Variants in MMP28 observed in about 807,000 individuals in gnomAD.
MMP28 encodes the protein matrix metallopeptidase 28.
In MMP28, 55 loss-of-function variants were observed where a neutral mutation model predicts 60.5. The ratio of observed to expected loss-of-function variants is 0.91; its 90% CI spans 0.73 to 1.14. MMP28 has a LOEUF of 1.14. Among genes scored for constraint, MMP28 ranks in the 50% most tolerant of loss-of-function variants. MMP28 has a pLI of 0.00. For missense variants in MMP28, 686 were observed against 738.3 expected (o/e 0.93, Z 0.82); for synonymous variants, 318 against 312.5 (o/e 1.02, Z -0.18).
At chr17:35,776,182 T>G (rs1368629961) in intron 3 of MMP28, among the ~76,000 whole-genome samples, 1 of 143,844 alleles carries the variant, frequency 7.0e-6, no homozygotes. Context: ...GCTTTTTCTT[T>G]TTTTTTTGAG....
intron 4 of MMP28, among the ~76,000 whole-genome samples, chr17:35,772,817 G>T (rs968585647): frequency 5.3e-5 from 8 of 152,170 alleles, no homozygotes; most frequent in African/African-American, 1.9e-4. Context: ...GTGGGCAGTG[G>T]ATGTTTTTTA....
chr17:35,772,632 G>A (rs1395201712), intron 4 of MMP28, among the ~76,000 whole-genome samples: 2 of 152,232 alleles, frequency 1.3e-5, no homozygotes, highest in African/African-American at 2.4e-5. Context: ...GAAGGCTAGC[G>A]TTAGGCAGAA....
At chr17:35,790,494 A>G (rs977734805) in intron 1 of MMP28, among the ~76,000 whole-genome samples, 4 of 152,212 alleles carry the variant, frequency 2.6e-5, no homozygotes, top group African/African-American at 9.6e-5. Flanking sequence ...GTAGTTTTCT[A>G]TCAACATCAA....
intron 3 of MMP28, among the ~76,000 whole-genome samples, chr17:35,774,235 C>A (rs1161525105): frequency 1.3e-5 from 2 of 152,216 alleles, no homozygotes; most frequent in Non-Finnish European, 2.9e-5. Context: ...TCAGCGTGCA[C>A]CCGGCAGCAG....
intron 2 of MMP28, chr17:35,757,397 A>G (rs1264940156): frequency 1.3e-5 from 2 of 152,156 alleles, no homozygotes; most frequent in Non-Finnish European, 2.9e-5. Flanking sequence ...AGTCTCTGCC[A>G]TTCCTTTTCT....
At chr17:35,760,890 CT>C (rs1348037468), downstream of MMP28, 1 of 1,611,410 alleles carries the variant, frequency 6.2e-7, no homozygotes, top group African/African-American at 1.3e-5. Context: ...TCTGGGCACC[CT>C]CTCACATCCC....
At chr17:35,763,335 G>A (rs916126777), downstream of MMP28, among the ~76,000 whole-genome samples, 10 of 151,688 alleles carry the variant, frequency 6.6e-5, no homozygotes, top group Admixed American at 3.3e-4. Context: ...GGAGTGTGGT[G>A]GTGCAATCAT....
At chr17:35,784,030 C>T (rs1451052452) in intron 1 of MMP28, among the ~76,000 whole-genome samples, 1 of 151,996 alleles carries the variant, frequency 6.6e-6, no homozygotes, top group African/African-American at 2.4e-5. Flanking sequence ...CCTGTAATAC[C>T]AGCACTTTGG....
chr17:35,774,458 T>C (rs2086265443), intron 3 of MMP28, among the ~76,000 whole-genome samples: 1 of 152,190 alleles, frequency 6.6e-6, no homozygotes, highest in Admixed American at 6.5e-5. Flanking sequence ...CCCTGACACC[T>C]AATCCAGGGC....
At chr17:35,761,253 G>C (rs1483916433), downstream of MMP28, among the ~76,000 whole-genome samples, 4 of 151,476 alleles carry the variant, frequency 2.6e-5, no homozygotes, top group African/African-American at 9.7e-5. Flanking sequence ...ACAGGAGCAT[G>C]CCACAACACC....
At chr17:35,764,659 G>T (rs899390144), downstream of MMP28, 2 of 1,528,658 alleles carry the variant, frequency 1.3e-6, no homozygotes, top group African/African-American at 2.9e-5. Flanking sequence ...ATCATTTCCT[G>T]GCCCCAGACC....
At chr17:35,761,407 G>C (rs1555601482), downstream of MMP28, among the ~76,000 whole-genome samples, 1 of 150,326 alleles carries the variant, frequency 6.7e-6, no homozygotes, top group Non-Finnish European at 1.5e-5. Flanking sequence ...CACTGTGCCT[G>C]GCCTGTTTTT....
In MMP28 at chr17:35,766,806, G is replaced by A. The variant is rs200933511; in HGVS notation, c.1257C>T (p.Asp419=). ...GCAGAGGAGGGAAGAAGAGGGCGGCGTCAGGATGGCGGGGCAGGCCCCCTG... is the reference window on the plus strand; with the variant it reads ...GCAGAGGAGGGAAGAAGAGGGCGGCATCAGGATGGCGGGGCAGGCCCCCTG... ...CRAGGLPRHP[D]AALFFPPLRR... The change falls in exon 8 of 8, where the codon GAC becomes GAT. Residue 419 remains aspartate, a synonymous_variant. Coordinates refer to ENST00000605424, the MANE Select transcript of MMP28 (RefSeq NM_024302.5). This position sits in a 1 kb window ranked among gnomAD's most constrained non-coding sequence, Gnocchi z 4.3. The A allele has an allele frequency of 1.2e-4, 193 of 1,573,836 alleles. No individual in the cohort carries two copies. Among genetic ancestry groups the A allele is most frequent in the Non-Finnish European group, 1.5e-4 (176 of 1,160,422 alleles).
chr17:35,781,885 G>A (rs967531424), intron 1 of MMP28, among the ~76,000 whole-genome samples: 1 of 151,306 alleles, frequency 6.6e-6, no homozygotes, highest in African/African-American at 2.4e-5. Context: ...TTAGAGATGG[G>A]GGTCTCACTA....
At position 35,785,690 on chromosome 17, in the gene MMP28, G is replaced by A. The variant is rs1447253278; in HGVS notation, c.112-6367C>T. On this transcript the variant is annotated intron_variant, in intron 1 of 7. Transcript: ENST00000605424. ...TCTCGATCTCTTGACCTCGTGATCC[G>A]CCCACCTCGGCCTCCCAAAGTGCTG... Among the ~76,000 whole-genome samples, 5 of 152,136 alleles carry A rather than the reference G, an allele frequency of 3.3e-5. No individual in the cohort carries two copies. The East Asian group carries it at 5.8e-4, about 18-fold the overall frequency.
At position 35,767,063 on chromosome 17, in the gene MMP28, G is replaced by A. The variant is rs184159334; in HGVS notation, c.1169-169C>T. The stretch of plus-strand genomic sequence containing the variant: ...ACAAATTAGTTATAAATAGCAGGGT[G>A]GTAGTAGCAACTCCTATTATTTATT... On this transcript the variant is annotated intron_variant, in intron 7 of 7. Coordinates refer to ENST00000605424, the MANE Select transcript of MMP28 (RefSeq NM_024302.5). 6.7e-6 allele frequency: 5 copies of A among 741,478 alleles called. No individual in the cohort carries two copies. In the Admixed American group the frequency reaches 1.0e-4, roughly 15 times the overall value. 45.9% of individuals were successfully genotyped at this position (741,478 alleles called of 1,614,324 possible). A position where few individuals can be genotyped will look rare whatever the true frequency, so the allele number is the denominator to read the frequency against.
At chr17:35,779,610 G>A (rs2086440911) in intron 1 of MMP28, among the ~76,000 whole-genome samples, 1 of 152,072 alleles carries the variant, frequency 6.6e-6, no homozygotes. Flanking sequence ...ATATCTTACG[G>A]CATCAGTAGG....
intron 2 of MMP28, among the ~76,000 whole-genome samples, chr17:35,757,809 T>C (rs2085756903): frequency 6.6e-6 from 1 of 152,178 alleles, no homozygotes; most frequent in African/African-American, 2.4e-5. Flanking sequence ...GGGGTCTTGC[T>C]ATGTTGCCGA....
chr17:35,781,735 C>A (rs1202746320), intron 1 of MMP28, among the ~76,000 whole-genome samples: 1 of 152,212 alleles, frequency 6.6e-6, no homozygotes, highest in Admixed American at 6.5e-5. Context: ...AAGGAGAATT[C>A]TTCTACCTAC....
Sources: allele counts gnomAD v4.1 joint callset (sites outside exome capture counted in the v4.1 genomes callset), GRCh38; gene constraint gnomAD v4.1.1; non-coding constraint Gnocchi (gnomAD v3.1); transcripts MANE v1.5; gene names NCBI Gene and HGNC (gene_info 2026-07-23, HGNC 2026-07-21).